The following TRAPPC9 variants were observed in gnomAD, a reference collection of about 807,000 sequenced individuals.
TRAPPC9 encodes the protein trafficking protein particle complex subunit 9.
In TRAPPC9, 83 loss-of-function variants were observed where a neutral mutation model predicts 124.0. The ratio of observed to expected loss-of-function variants is 0.67; its 90% CI spans 0.56 to 0.80. The LOEUF is 0.80. TRAPPC9 is among the 30% of genes least tolerant of loss of function. The pLI is 0.00. For synonymous variants in TRAPPC9, 638 were observed against 617.5 expected (o/e 1.03, Z -0.49); for missense variants, 1,302 against 1,508.3 (o/e 0.86, Z 2.27).
chr8:139,869,599 T>C (rs183038391), intron 21 of TRAPPC9, among the ~76,000 whole-genome samples: 24 of 152,366 alleles, frequency 1.6e-4, no homozygotes, highest in Admixed American at 1.6e-3. Flanking sequence ...AATTGATACA[T>C]TTTCAACTCA....
chr8:139,764,586 C>T (rs1294192954), intron 21 of TRAPPC9, among the ~76,000 whole-genome samples: 2 of 152,188 alleles, frequency 1.3e-5, no homozygotes, highest in Non-Finnish European at 2.9e-5. Context: ...GGTTCTGCCC[C>T]CTGTGGCCTG....
chr8:140,379,452 C>T (rs575981662), intron 7 of TRAPPC9, among the ~76,000 whole-genome samples: 1 of 152,106 alleles, frequency 6.6e-6, no homozygotes, highest in Non-Finnish European at 1.5e-5. Context: ...TTCAGGTGGG[C>T]AAGTGCGGAA....
rs151251361 is a variant in TRAPPC9, at chr8:139,988,779, G to C, written c.2757C>G (p.Thr919=). The change falls in exon 19 of 23, where the codon ACC becomes ACG. Residue 919 remains threonine (T), a synonymous_variant. Transcript: ENST00000438773. ...DVFNSTEHEL[T]VSTRSSEALI... ...GTGCCTCGCTGCTCCTGGTGCTGAC[G>C]GTCAGCTCATGCTCGGTGGAGTTGA... The C allele has an allele frequency of 5.2e-6, 8 of 1,551,498 alleles. No homozygotes were observed. Among genetic ancestry groups the C allele is most frequent in the East Asian group, 4.9e-5 (2 of 40,906 alleles).
chr8:140,380,654 C>CAAAAAAAA (rs563391017), intron 7 of TRAPPC9, among the ~76,000 whole-genome samples: 10 of 48,580 alleles, frequency 2.1e-4, no homozygotes, highest in Non-Finnish European at 2.6e-4. Flanking sequence ...GACTCTGTCT[C>CAAAAAAAA]AAAAAAAAAA....
intron 9 of TRAPPC9, among the ~76,000 whole-genome samples, chr8:140,334,937 A>G (rs1345538493): frequency 6.6e-6 from 1 of 152,180 alleles, no homozygotes; most frequent in East Asian, 1.9e-4. Context: ...AGCATGCTAC[A>G]ATAGAAGCAG....
At chr8:140,349,243 G>A (rs1264776965) in intron 9 of TRAPPC9, among the ~76,000 whole-genome samples, 4 of 94,618 alleles carry the variant, frequency 4.2e-5, no homozygotes, top group Non-Finnish European at 9.6e-5. Flanking sequence ...GGGGGCACAC[G>A]ACGGAAGGGC....
intron 21 of TRAPPC9, among the ~76,000 whole-genome samples, chr8:139,739,084 G>A (rs1033394194): frequency 1.3e-5 from 2 of 152,156 alleles, no homozygotes; most frequent in Admixed American, 6.5e-5. Flanking sequence ...CCTCAGGCCC[G>A]TGCTCCTCTG....
At chr8:139,735,027 T>C (rs1818066600) in intron 21 of TRAPPC9, among the ~76,000 whole-genome samples, 2 of 152,242 alleles carry the variant, frequency 1.3e-5, no homozygotes, top group Admixed American at 6.5e-5. Flanking sequence ...GAGGCCCTGC[T>C]CACTGGGCTA....
At chr8:140,161,425 T>TC (rs397770652) in intron 17 of TRAPPC9, among the ~76,000 whole-genome samples, 1 of 151,558 alleles carries the variant, frequency 6.6e-6, no homozygotes, top group Non-Finnish European at 1.5e-5. Flanking sequence ...TTTTTTTTTT[T>TC]CGCATTTTGG....
chr8:140,015,881 T>C (rs1839432808), intron 18 of TRAPPC9, among the ~76,000 whole-genome samples: 1 of 152,206 alleles, frequency 6.6e-6, no homozygotes, highest in Admixed American at 6.5e-5. Context: ...CTTGGTATTT[T>C]ACATCCTGTC....
chr8:140,456,406 C>T (rs1301017937), intron 1 of TRAPPC9, among the ~76,000 whole-genome samples: 3 of 126,866 alleles, frequency 2.4e-5, no homozygotes, highest in Non-Finnish European at 5.1e-5. Flanking sequence ...TGCGAGACTC[C>T]GTCTCAAAAA....
chr8:140,394,279 G>A (rs1323903737), intron 7 of TRAPPC9, among the ~76,000 whole-genome samples: 4 of 152,110 alleles, frequency 2.6e-5, no homozygotes, highest in African/African-American at 9.7e-5. Context: ...CTTTCGGAGG[G>A]TCCGTTTAAA....
chr8:139,836,198 G>A (rs1179191667), intron 21 of TRAPPC9, among the ~76,000 whole-genome samples: 2 of 152,018 alleles, frequency 1.3e-5, no homozygotes, highest in Admixed American at 6.6e-5. Context: ...TAGTAGAGAC[G>A]GGGTTTCATC....
At chr8:139,771,650 CAGACCCCACACG>C (rs1336726284) in intron 21 of TRAPPC9, among the ~76,000 whole-genome samples, 1 of 152,234 alleles carries the variant, frequency 6.6e-6, no homozygotes, top group African/African-American at 2.4e-5. Context: ...GGAGTGGCAG[CAGACCCCACACG>C]AGTGGTAGGC....
At chr8:139,838,172 C>T (rs987005559) in intron 21 of TRAPPC9, among the ~76,000 whole-genome samples, 3 of 152,206 alleles carry the variant, frequency 2.0e-5, no homozygotes, top group Admixed American at 6.5e-5. Flanking sequence ...TGACTTGCCT[C>T]TTCTTGTGAC....
At position 140,447,918 on chromosome 8, in the gene TRAPPC9, G is replaced by A. The variant is rs569512139; in HGVS notation, c.584+2872C>T. ...CCAGCACTTTGGGAGGCCGAGGCAG[G>A]TGGATCACTTGAGGTCAGGAGTTCG... On this transcript the variant is annotated intron_variant, in intron 2 of 22. Transcript: ENST00000438773. 1.4e-3 allele frequency among the ~76,000 whole-genome samples: 217 copies of A among 152,240 alleles called. 4 individuals are homozygous for A. The highest frequency in any genetic ancestry group is 0.01 in the Middle Eastern group (3 of 294).
chr8:139,731,301 GA>G (rs1817805946), intron 22 of TRAPPC9, 73 bp from the exon 23 acceptor site: 1 of 1,560,086 alleles, frequency 6.4e-7, no homozygotes, highest in South Asian at 1.2e-5. Flanking sequence ...GGAATCCTGG[GA>G]ATCTGCCTGG....
intron 17 of TRAPPC9, among the ~76,000 whole-genome samples, chr8:140,180,133 G>A (rs754556063): frequency 1.1e-4 from 17 of 148,386 alleles, no homozygotes; most frequent in Non-Finnish European, 2.1e-4. Flanking sequence ...TCTCTTTTTT[G>A]TTCCTTTTCT....
chr8:140,284,016 G>A lies in TRAPPC9; in HGVS notation c.1987C>T (p.His663Tyr), dbSNP rs1588091577. The change falls in exon 14 of 23, where the codon CAT (histidine) becomes TAT (tyrosine). Residue 663 changes from histidine to tyrosine, a missense_variant. Coordinates refer to ENST00000438773, the MANE Select transcript of TRAPPC9 (RefSeq NM_001160372.4). ...TTGTITVNGY[H>Y]TTVFGVFSDC... ...CTGAACACACCGAAGACCGTGGTATGGTAACCTGGAATAGAAAAGGAACTT... is the reference window on the plus strand; with the variant it reads ...CTGAACACACCGAAGACCGTGGTATAGTAACCTGGAATAGAAAAGGAACTT... 1.2e-6 allele frequency: 2 copies of A among 1,614,002 alleles called. No homozygotes were observed. Among genetic ancestry groups the A allele is most frequent in the East Asian group, 2.2e-5 (1 of 44,882 alleles).
Sources: gnomAD v4.1 joint callset for allele counts (sites outside exome capture counted in the v4.1 genomes callset) on GRCh38, gnomAD v4.1.1 for gene constraint, MANE v1.5 for transcripts, NCBI Gene and HGNC (gene_info 2026-07-23, HGNC 2026-07-21) for gene names.